PHYKPL: variants seen among roughly 807,000 people sequenced by gnomAD.
The protein encoded by PHYKPL is 5-phosphohydroxy-L-lysine phospho-lyase, also known as 5-phosphonooxy-L-lysine phospho-lyase.
A neutral mutation model predicts 51.3 loss-of-function variants in PHYKPL; 42 were observed. The ratio of observed to expected loss-of-function variants is 0.82; its 90% CI spans 0.64 to 1.06. The LOEUF is 1.06. Ranked by LOEUF, PHYKPL falls within the 50% of genes least tolerant of loss-of-function variation. The probability of loss-of-function intolerance (pLI) is 0.00; values close to 1 mark genes in which losing one functional copy is unlikely to be tolerated. For missense variants in PHYKPL, 655 were observed against 586.6 expected (o/e 1.12, Z -1.20); for synonymous variants, 264 against 236.0 (o/e 1.12, Z -1.09).
At position 178,231,521 on chromosome 5, in the gene PHYKPL, G is replaced by A. The variant is rs781349808; in HGVS notation, c.62C>T (p.Ser21Phe). 4 of 1,614,188 alleles carry A rather than the reference G, an allele frequency of 2.5e-6. No homozygotes were observed. Among genetic ancestry groups the A allele is most frequent in the Non-Finnish European group, 3.4e-6 (4 of 1,180,018 alleles). ...TLALRQRLIS[S>F]SCRLFFPEDP... is the part of the protein sequence containing the mutation. ...CTCGGGAAAAAAGAGTCTGCAGGAA[G>A]AGCTGTGGGGACAGGCAAGGAGTGG... is the stretch of plus-strand genomic sequence containing the variant. The change falls in exon 2 of 13, where the codon TCT becomes TTT. Residue 21 changes from serine (S) to phenylalanine (F), a missense_variant and splice_region_variant. By Grantham distance (155) the Ser-to-Phe change is radical. Transcript: ENST00000308158.
Position 178,224,579 on chromosome 5 carries a change from A to G in PHYKPL, c.502-15T>C. Reference sequence around the variant, plus strand: ...GGGAGAGGTGCCTGTGGGGAGTGACAGCGCCATGTTATCCGGGCTTGGGGA... The same window carrying G: ...GGGAGAGGTGCCTGTGGGGAGTGACGGCGCCATGTTATCCGGGCTTGGGGA... On this transcript the variant is annotated splice_polypyrimidine_tract_variant and intron_variant, in intron 5 of 12. Transcript: ENST00000308158. 1 of 1,614,128 alleles carries G rather than the reference A, an allele frequency of 6.2e-7. No homozygotes were observed. The highest frequency in any genetic ancestry group is 8.5e-7 in the Non-Finnish European group (1 of 1,179,936).
At chr5:178,223,254 C>A in intron 6 of PHYKPL, 1 of 425,040 alleles carries the variant, frequency 2.4e-6, no homozygotes, top group Non-Finnish European at 4.6e-6. Flanking sequence ...CATCAGTCAG[C>A]ACTGCCCAAG....
chr5:178,212,658 C>G (rs1320703045), intron 11 of PHYKPL, among the ~76,000 whole-genome samples: 1 of 152,252 alleles, frequency 6.6e-6, no homozygotes, highest in African/African-American at 2.4e-5. Context: ...GGGGTCTCAA[C>G]TCCCACTGTA....
chr5:178,207,271 C>T (rs754738987), downstream of PHYKPL: 1 of 1,609,262 alleles, frequency 6.2e-7, no homozygotes, highest in Non-Finnish European at 8.5e-7. Flanking sequence ...TGCTGGAGAG[C>T]TGGCCCTTAG....
intron 8 of PHYKPL, among the ~76,000 whole-genome samples, chr5:178,218,154 T>C (rs1460438278): frequency 1.6e-5 from 2 of 121,230 alleles, no homozygotes; most frequent in Non-Finnish European, 3.3e-5. Context: ...GAGGCGGAGC[T>C]TGCAGTGAGT....
intron 8 of PHYKPL, 49 bp downstream of exon 8, chr5:178,222,306 G>A: frequency 6.6e-7 from 1 of 1,511,264 alleles, no homozygotes; most frequent in African/African-American, 1.4e-5. Flanking sequence ...TGATCACCGG[G>A]GGCCTATCAG....
intron 12 of PHYKPL, chr5:178,210,706 T>G: frequency 9.1e-7 from 1 of 1,102,314 alleles, no homozygotes; most frequent in East Asian, 2.4e-5. Flanking sequence ...AAATTTAACT[T>G]GGCAAACTTT....
intron 10 of PHYKPL, among the ~76,000 whole-genome samples, chr5:178,213,549 G>C (rs896220725): frequency 6.6e-6 from 1 of 152,206 alleles, no homozygotes; most frequent in Admixed American, 6.5e-5. Flanking sequence ...CTGTCTTCCG[G>C]GTTATCTTAC....
At chr5:178,210,790 A>C in intron 12 of PHYKPL, 1 of 648,928 alleles carries the variant, frequency 1.5e-6, no homozygotes, top group Non-Finnish European at 2.8e-6. Flanking sequence ...CTATTTCCAG[A>C]GCTCTAGGTG....
intron 3 of PHYKPL, 89 bp downstream of exon 3, chr5:178,229,851 C>T (rs1375776082): frequency 5.3e-6 from 8 of 1,509,658 alleles, no homozygotes; most frequent in South Asian, 1.2e-5. Context: ...AGTCCACACT[C>T]GGTCAGCTAC....
chr5:178,207,747 G>GGCTGGGGT (rs1757146966), downstream of PHYKPL, among the ~76,000 whole-genome samples: 1 of 134,840 alleles, frequency 7.4e-6, no homozygotes, highest in Non-Finnish European at 1.5e-5. Context: ...TTGTTGTCCA[G>GGCTGGGGT]GCTGGGGTGC....
At chr5:178,222,606 G>A (rs373326864) in intron 7 of PHYKPL, 26 bp from the exon 8 acceptor site, 60 of 1,606,024 alleles carry the variant, frequency 3.7e-5, no homozygotes, top group Middle Eastern at 1.7e-4. Flanking sequence ...TGACTGACAC[G>A]GGGGCTGTGG....
At chr5:178,228,739 C>G (rs918428682) in intron 3 of PHYKPL, 4 of 644,110 alleles carry the variant, frequency 6.2e-6, no homozygotes. Flanking sequence ...ACACTGTAAT[C>G]GCCTGCCTGT....
intron 8 of PHYKPL, among the ~76,000 whole-genome samples, chr5:178,217,558 GAAAAA>G (rs869086983): frequency 3.2e-5 from 4 of 123,804 alleles, no homozygotes; most frequent in African/African-American, 5.9e-5. Flanking sequence ...AAGAATCAGT[GAAAAA>G]AAAAAAAAAA....
rs1043318610 is a variant in PHYKPL at position 178,224,267 on chromosome 5, C to T, written c.618+181G>A. On this transcript the variant is annotated intron_variant, in intron 6 of 12. Transcript: ENST00000308158. ...CTGCTCAGGCTCTGGCTGGCTACCACGCCCATGCTAGGCCGTGCACTCAGA... is the reference window on the plus strand; with the variant it reads ...CTGCTCAGGCTCTGGCTGGCTACCATGCCCATGCTAGGCCGTGCACTCAGA... 2.1e-5 allele frequency: 14 copies of T among 663,736 alleles called. No homozygotes were observed. In the Admixed American group the frequency reaches 2.6e-4, roughly 12 times the overall value. 41.1% of individuals were successfully genotyped at this position (663,736 alleles called of 1,614,324 possible). A position where few individuals can be genotyped will look rare whatever the true frequency, so the allele number is the denominator to read the frequency against.
At chr5:178,232,147 T>C in intron 1 of PHYKPL, 2 of 1,195,078 alleles carry the variant, frequency 1.7e-6, no homozygotes, top group Non-Finnish European at 2.1e-6. Context: ...CTGGGTGAGG[T>C]CCTCTCAGGC....
intron 12 of PHYKPL, chr5:178,209,458 C>T (rs770979546): frequency 2.4e-5 from 39 of 1,609,112 alleles, no homozygotes; most frequent in African/African-American, 4.0e-5. Context: ...GTGAGTGGAA[C>T]GTGGATGAAG....
intron 10 of PHYKPL, 130 bp from the exon 11 acceptor site, chr5:178,213,233 A>C: frequency 8.1e-7 from 1 of 1,240,632 alleles, no homozygotes; most frequent in Admixed American, 2.2e-5. Flanking sequence ...AGGTCATTTT[A>C]CTGGTCACCT....
chr5:178,216,007 A>G (rs1759703076), intron 8 of PHYKPL: 1 of 152,330 alleles, frequency 6.6e-6, no homozygotes, highest in Non-Finnish European at 1.5e-5. Flanking sequence ...CTTTAAAAAC[A>G]TCAGCTTTGT....
Sources: gnomAD v4.1 joint callset for allele counts (sites outside exome capture counted in the v4.1 genomes callset) on GRCh38, gnomAD v4.1.1 for gene constraint, MANE v1.5 for transcripts, NCBI Gene and HGNC (gene_info 2026-07-23, HGNC 2026-07-21) for gene names.